MAPK9: variants seen among roughly 807,000 people sequenced by gnomAD.
The protein encoded by MAPK9 is mitogen-activated protein kinase 9.
Under a neutral mutation model 57.1 loss-of-function variants are expected in MAPK9, and 30 were observed. The observed-to-expected ratio is 0.53, with a 90% confidence interval of 0.39 to 0.71. The LOEUF (loss-of-function observed/expected upper bound fraction) is 0.71, where lower values mean the gene tolerates loss of function less well. Among genes scored for constraint, MAPK9 ranks in the 30% least tolerant of loss-of-function variants. The pLI, the probability that MAPK9 is intolerant of heterozygous loss-of-function variation, is 0.00. For synonymous variants in MAPK9, 155 were observed against 177.0 expected (o/e 0.88, Z 0.99); for missense variants, 362 against 521.0 (o/e 0.69, Z 2.97).
At chr5:180,254,859 C>G (rs376126535) in intron 5 of MAPK9, among the ~76,000 whole-genome samples, 2 of 152,218 alleles carry the variant, frequency 1.3e-5, no homozygotes, top group African/African-American at 4.8e-5. Flanking sequence ...AAGGTGAAAC[C>G]CTGTCTCTAC....
intron 1 of MAPK9, among the ~76,000 whole-genome samples, chr5:180,285,290 G>C (rs572296170): frequency 6.6e-6 from 1 of 152,302 alleles, no homozygotes; most frequent in South Asian, 2.1e-4. Flanking sequence ...TTTGAATTTA[G>C]GAGTGTTTCA....
chr5:180,287,025 C>T (rs556992312), intron 1 of MAPK9: 1 of 152,370 alleles, frequency 6.6e-6, no homozygotes, highest in Non-Finnish European at 1.5e-5. Context: ...AAAAGCCAAT[C>T]TCAAAAAGTC....
intron 3 of MAPK9, among the ~76,000 whole-genome samples, chr5:180,265,113 A>C (rs1180237081): frequency 6.6e-6 from 1 of 152,268 alleles, no homozygotes; most frequent in Non-Finnish European, 1.5e-5. Flanking sequence ...ATAAAAAAGT[A>C]GAATTTACAG....
intron 4 of MAPK9, 38 bp from the exon 5 acceptor site, chr5:180,261,860 T>A: frequency 6.4e-7 from 1 of 1,561,832 alleles, no homozygotes; most frequent in South Asian, 1.2e-5. Flanking sequence ...TTGAAAATTA[T>A]CCAAAGTTCC....
chr5:180,277,409 G>A (rs938990546), intron 2 of MAPK9, among the ~76,000 whole-genome samples: 3 of 152,100 alleles, frequency 2.0e-5, no homozygotes, highest in Admixed American at 6.5e-5. Context: ...TCCAAACTTC[G>A]CTCTGCCATC....
At chr5:180,258,366 A>G (rs1759513292) in intron 5 of MAPK9, 1 of 152,278 alleles carries the variant, frequency 6.6e-6, no homozygotes, top group African/African-American at 2.4e-5. Context: ...AAAGACATAA[A>G]GAGCTCACAA....
intron 7 of MAPK9, among the ~76,000 whole-genome samples, chr5:180,243,088 T>C (rs1226124367): frequency 6.6e-6 from 1 of 152,210 alleles, no homozygotes; most frequent in Non-Finnish European, 1.5e-5. Flanking sequence ...AGATAAACAT[T>C]ACATAAGCAA....
At chr5:180,238,235 T>A (rs999197206) in intron 11 of MAPK9, 97 bp downstream of exon 11, 33 of 881,832 alleles carry the variant, frequency 3.7e-5, no homozygotes, top group Admixed American at 8.2e-5. Flanking sequence ...GCGCCGCTGC[T>A]CTCCAGCCTG....
chr5:180,258,557 C>T (rs1192140957), intron 5 of MAPK9, among the ~76,000 whole-genome samples: 6 of 152,112 alleles, frequency 3.9e-5, no homozygotes, highest in Non-Finnish European at 8.8e-5. Flanking sequence ...GGAGAGAAAT[C>T]CTATAACTGT....
chr5:180,289,720 C>T (rs1264774367), intron 1 of MAPK9, among the ~76,000 whole-genome samples: 1 of 152,170 alleles, frequency 6.6e-6, no homozygotes, highest in African/African-American at 2.4e-5. Context: ...CACAGCTCCT[C>T]CCTCCCACAC....
In MAPK9 at chr5:180,247,425, G is replaced by T. The variant is rs369753241; in HGVS notation, c.688+14C>A. 4 of 1,614,162 alleles carry T rather than the reference G, an allele frequency of 2.5e-6. No individual in the cohort carries two copies. Among genetic ancestry groups the T allele is most frequent in the Admixed American group, 1.7e-5 (1 of 60,012 alleles). On this transcript the variant is annotated intron_variant, in intron 7 of 11. Transcript: ENST00000452135. This position sits in a 1 kb window ranked among gnomAD's most constrained non-coding sequence, Gnocchi z 4.5. The stretch of plus-strand genomic sequence containing the variant: ...AAGAAAGCATGGCGGGGCCAAGGTC[G>T]CGGGGAAGGATACGGTCAGTGCCTT...
At chr5:180,285,801 G>C (rs755317290) in intron 1 of MAPK9, among the ~76,000 whole-genome samples, 1 of 151,786 alleles carries the variant, frequency 6.6e-6, no homozygotes, top group Admixed American at 6.6e-5. Context: ...AAATCTGGCC[G>C]GGTGCGGTGG....
intron 10 of MAPK9, among the ~76,000 whole-genome samples, chr5:180,239,343 G>A (rs957414138): frequency 2.0e-5 from 3 of 152,348 alleles, no homozygotes; most frequent in Admixed American, 2.0e-4. Flanking sequence ...GCACTGCTGA[G>A]CACGGGCACA....
chr5:180,287,827 C>T (rs950616534), intron 1 of MAPK9, among the ~76,000 whole-genome samples: 3 of 152,202 alleles, frequency 2.0e-5, no homozygotes, highest in Non-Finnish European at 4.4e-5. Context: ...TCCGAGTCTA[C>T]TTACACTTCT....
chr5:180,260,892 G>A (rs1456769288), intron 5 of MAPK9, among the ~76,000 whole-genome samples: 1 of 151,196 alleles, frequency 6.6e-6, no homozygotes, highest in Non-Finnish European at 1.5e-5. Context: ...TTTTTGGCAG[G>A]AAGAAGTTTA....
At chr5:180,283,423 T>A (rs1317374805) in intron 1 of MAPK9, among the ~76,000 whole-genome samples, 2 of 152,180 alleles carry the variant, frequency 1.3e-5, no homozygotes, top group Non-Finnish European at 1.5e-5. Flanking sequence ...CCAGCTGGAT[T>A]CCTTAACTAC....
At chr5:180,254,947 T>C (rs954203886) in intron 5 of MAPK9, among the ~76,000 whole-genome samples, 23 of 152,098 alleles carry the variant, frequency 1.5e-4, no homozygotes, top group Admixed American at 9.8e-4. Context: ...GGCAGGAGAA[T>C]GGCGTGAACC....
rs114579564 is a variant in MAPK9 at position 180,277,020 on chromosome 5, G to A, written c.122+3420C>T. ...GGCTCCAGCTCTTCCATTTAATCCT[G>A]TACAGGTCACAGGCCCTACCTGCAC... is the stretch of plus-strand genomic sequence containing the variant. On this transcript the variant is annotated intron_variant, in intron 2 of 11. Coordinates refer to ENST00000452135, the MANE Select transcript of MAPK9 (RefSeq NM_002752.5). Among the ~76,000 whole-genome samples, 717 of 152,198 alleles carry A rather than the reference G, an allele frequency of 4.7e-3. 6 individuals carry two copies. The highest frequency in any genetic ancestry group is 0.016 in the African/African-American group (681 of 41,524).
chr5:180,256,634 A>G (rs7378719), intron 5 of MAPK9, among the ~76,000 whole-genome samples: 151,951 of 152,260 alleles, frequency 1, 75,823 homozygotes, highest in Middle Eastern at 1. Flanking sequence ...GGATGGCAAC[A>G]GGGCCATTTT....
Sources: gnomAD v4.1 joint callset for allele counts (sites outside exome capture counted in the v4.1 genomes callset) on GRCh38, gnomAD v4.1.1 for gene constraint, Gnocchi (gnomAD v3.1) non-coding constraint, MANE v1.5 for transcripts, NCBI Gene and HGNC (gene_info 2026-07-23, HGNC 2026-07-21) for gene names.